STARD13: variants seen among roughly 807,000 people sequenced by gnomAD.
The protein encoded by STARD13 is stAR-related lipid transfer protein 13.
STARD13 carries 62 observed loss-of-function variants against 106.4 expected under a neutral mutation model. The ratio of observed to expected loss-of-function variants is 0.58; its 90% CI spans 0.48 to 0.72. STARD13 has a LOEUF of 0.72. STARD13 is among the 30% of genes least tolerant of loss of function. STARD13 has a pLI of 0.00. For synonymous variants in STARD13, 565 were observed against 553.0 expected, an observed-to-expected ratio of 1.02 and a Z score of -0.31; for missense variants, 1,387 against 1,424.0, an observed-to-expected ratio of 0.97 and a Z score of 0.42.
intron 1 of STARD13, among the ~76,000 whole-genome samples, chr13:33,340,437 G>C (rs2077947274): frequency 1.4e-5 from 1 of 72,756 alleles, no homozygotes; most frequent in Non-Finnish European, 2.6e-5. Flanking sequence ...CACTTTCAAA[G>C]ATGCTTCAAG....
chr13:33,591,716 C>A, the STARD13 span, among the ~76,000 whole-genome samples: 112 of 152,224 alleles, frequency 7.4e-4, no homozygotes, highest in African/African-American at 2.6e-3. Context: ...GGGGAGTTCC[C>A]TGCAGCTAGG....
intron 1 of STARD13, chr13:33,281,670 C>T (rs1891791984): frequency 6.6e-6 from 1 of 152,120 alleles, no homozygotes; most frequent in Admixed American, 6.6e-5. Flanking sequence ...CTGCCATGTG[C>T]TATAACATGG....
chr13:33,640,793 A>G, the STARD13 span, among the ~76,000 whole-genome samples: 1 of 152,176 alleles, frequency 6.6e-6, no homozygotes, highest in African/African-American at 2.4e-5. Context: ...GGAGGGAAAA[A>G]CACTGATAGT....
upstream of STARD13, among the ~76,000 whole-genome samples, chr13:33,286,464 G>T (rs1022828098): frequency 6.6e-6 from 1 of 152,134 alleles, no homozygotes; most frequent in African/African-American, 2.4e-5. Flanking sequence ...CTTAGAAGGT[G>T]CCTATCACAT....
At chr13:33,345,152 A>G (rs1371754418), downstream of STARD13, among the ~76,000 whole-genome samples, 8 of 152,250 alleles carry the variant, frequency 5.3e-5, no homozygotes, top group African/African-American at 1.4e-4. Context: ...AGCTCTCCCA[A>G]TGGTTGTGGG....
the STARD13 span, among the ~76,000 whole-genome samples, chr13:33,620,837 G>A: frequency 6.6e-6 from 1 of 150,842 alleles, no homozygotes; most frequent in Non-Finnish European, 1.5e-5. Flanking sequence ...ACATAGAAAT[G>A]CCAAAAATAG....
the STARD13 span, among the ~76,000 whole-genome samples, chr13:33,449,219 C>T: frequency 6.6e-6 from 1 of 151,990 alleles, no homozygotes; most frequent in Non-Finnish European, 1.5e-5. Flanking sequence ...TCTCTTTTAG[C>T]AGTTTTGTAG....
chr13:33,636,300 C>G, the STARD13 span, among the ~76,000 whole-genome samples: 1 of 152,088 alleles, frequency 6.6e-6, no homozygotes, highest in African/African-American at 2.4e-5. Flanking sequence ...TTAAAGAACA[C>G]AAGAAACATG....
At chr13:33,141,151 A>T (rs1879773195) in intron 4 of STARD13, among the ~76,000 whole-genome samples, 1 of 152,236 alleles carries the variant, frequency 6.6e-6, no homozygotes, top group African/African-American at 2.4e-5. Context: ...GTTAAATGAA[A>T]AAAGTAGTTA....
downstream of STARD13, among the ~76,000 whole-genome samples, chr13:33,344,979 C>T (rs139052621): frequency 3.2e-3 from 491 of 152,278 alleles, no homozygotes; most frequent in African/African-American, 7.6e-3. Flanking sequence ...CAAAAGCTAA[C>T]GGGTATGCTT....
chr13:33,246,527 CT>C (rs1474969519), intron 1 of STARD13, among the ~76,000 whole-genome samples: 4 of 152,152 alleles, frequency 2.6e-5, no homozygotes, highest in African/African-American at 2.4e-5. Context: ...TTTCATACCC[CT>C]ATCAACATCT....
At chr13:33,624,376 G>A in the STARD13 span, among the ~76,000 whole-genome samples, 8 of 152,226 alleles carry the variant, frequency 5.3e-5, no homozygotes, top group African/African-American at 1.2e-4. Context: ...TGTGGGCCCC[G>A]CTGCGGGCAG....
chr13:33,533,836 C>A, the STARD13 span, among the ~76,000 whole-genome samples: 1 of 152,306 alleles, frequency 6.6e-6, no homozygotes, highest in East Asian at 1.9e-4. Flanking sequence ...ACATGTTCAG[C>A]CCTTAACAAA....
intron 1 of STARD13, among the ~76,000 whole-genome samples, chr13:33,230,738 G>A (rs904812831): frequency 2.6e-5 from 4 of 152,144 alleles, no homozygotes; most frequent in East Asian, 1.9e-4. Flanking sequence ...ACGTAAGGTC[G>A]GTCTTTACTC....
At chr13:33,513,215 T>C in the STARD13 span, among the ~76,000 whole-genome samples, 1 of 152,188 alleles carries the variant, frequency 6.6e-6, no homozygotes, top group East Asian at 1.9e-4. Context: ...TTATTCTCCT[T>C]GTCTTTCTCC....
At chr13:33,124,653 G>T (rs1018040987) in intron 7 of STARD13, among the ~76,000 whole-genome samples, 1 of 152,108 alleles carries the variant, frequency 6.6e-6, no homozygotes, top group Non-Finnish European at 1.5e-5. Context: ...CGGGGGGCAG[G>T]AATGGTTTAT....
the STARD13 span, among the ~76,000 whole-genome samples, chr13:33,504,264 CA>C: frequency 6.6e-6 from 1 of 152,116 alleles, no homozygotes; most frequent in Middle Eastern, 3.4e-3. Context: ...GGTATATACC[CA>C]AAGGATTATA....
chr13:33,223,637 C>T (rs1888470190), intron 1 of STARD13, among the ~76,000 whole-genome samples: 1 of 151,070 alleles, frequency 6.6e-6, no homozygotes, highest in Admixed American at 6.7e-5. Context: ...CCAGCCTGGG[C>T]AACAAGAGCA....
At chr13:33,601,907 A>G in the STARD13 span, among the ~76,000 whole-genome samples, 1 of 152,118 alleles carries the variant, frequency 6.6e-6, no homozygotes, top group Non-Finnish European at 1.5e-5. Flanking sequence ...TTAACTACTG[A>G]CAGCACTTTC....
Sources: gnomAD v4.1 joint callset for allele counts (sites outside exome capture counted in the v4.1 genomes callset) on GRCh38, gnomAD v4.1.1 for gene constraint, MANE v1.5 for transcripts, NCBI Gene and HGNC (gene_info 2026-07-23, HGNC 2026-07-21) for gene names.